The following PDK1 variants were observed in gnomAD, a reference collection of about 807,000 sequenced individuals.
PDK1 encodes the protein [Pyruvate dehydrogenase (acetyl-transferring)] kinase isozyme 1, mitochondrial.
Under a neutral mutation model 54.2 loss-of-function variants are expected in PDK1, and 39 were observed. That is an observed-to-expected ratio of 0.72 (90% CI 0.56 to 0.94). PDK1 has a LOEUF of 0.94. Ranked by LOEUF, PDK1 falls within the 40% of genes least tolerant of loss-of-function variation. The pLI, the probability that PDK1 is intolerant of heterozygous loss-of-function variation, is 0.00. For synonymous variants in PDK1, 221 were observed against 207.1 expected (o/e 1.07, Z -0.58); for missense variants, 552 against 566.0 (o/e 0.98, Z 0.25).
intron 9 of PDK1, among the ~76,000 whole-genome samples, chr2:172,587,390 G>A (rs1315267883): frequency 4.0e-5 from 6 of 151,664 alleles, no homozygotes; most frequent in African/African-American, 7.3e-5. Flanking sequence ...CAGTGGGTTC[G>A]TGGTCTTGCT....
At chr2:172,673,768 C>G in the PDK1 span, among the ~76,000 whole-genome samples, 1 of 152,192 alleles carries the variant, frequency 6.6e-6, no homozygotes, top group East Asian at 1.9e-4. Flanking sequence ...GTAAAGGTGT[C>G]TGACTCTTGA....
chr2:172,681,370 G>A, the PDK1 span, among the ~76,000 whole-genome samples: 22 of 152,272 alleles, frequency 1.4e-4, no homozygotes, highest in South Asian at 4.6e-3. Flanking sequence ...TTTGCAGTGG[G>A]GATAGACTTG....
chr2:172,638,287 C>A, the PDK1 span, among the ~76,000 whole-genome samples: 2 of 152,190 alleles, frequency 1.3e-5, no homozygotes, highest in Non-Finnish European at 2.9e-5. Flanking sequence ...CTCGTTACTA[C>A]AAAGCCAAAA....
chr2:172,691,593 G>A, the PDK1 span, among the ~76,000 whole-genome samples: 1 of 152,080 alleles, frequency 6.6e-6, no homozygotes, highest in Non-Finnish European at 1.5e-5. Flanking sequence ...CCTAACCCCT[G>A]GCAACCACTG....
At chr2:172,561,944 AAAATT>A (rs1343294786) in intron 2 of PDK1, among the ~76,000 whole-genome samples, 1 of 152,230 alleles carries the variant, frequency 6.6e-6, no homozygotes, top group Non-Finnish European at 1.5e-5. Context: ...AAATTAAAAA[AAAATT>A]AAAAGCCATT....
At chr2:172,715,222 G>A in the PDK1 span, among the ~76,000 whole-genome samples, 6 of 152,144 alleles carry the variant, frequency 3.9e-5, no homozygotes, top group Non-Finnish European at 7.4e-5. Context: ...AGACCCCATA[G>A]CAGGATTCCT....
At chr2:172,718,061 A>T in the PDK1 span, among the ~76,000 whole-genome samples, 3 of 152,176 alleles carry the variant, frequency 2.0e-5, no homozygotes, top group African/African-American at 7.2e-5. Context: ...TTTTTTTGAG[A>T]TGATTCATAA....
chr2:172,586,670 A>G (rs1690248820), intron 9 of PDK1, among the ~76,000 whole-genome samples: 2 of 152,196 alleles, frequency 1.3e-5, no homozygotes. Context: ...AATATGGTTA[A>G]CCACATTATT....
At chr2:172,660,520 G>T in the PDK1 span, among the ~76,000 whole-genome samples, 2 of 151,944 alleles carry the variant, frequency 1.3e-5, no homozygotes, top group East Asian at 1.9e-4. Context: ...GCCTCCCAAA[G>T]TGCTAAGATT....
chr2:172,668,856 T>C, the PDK1 span, among the ~76,000 whole-genome samples: 22 of 139,094 alleles, frequency 1.6e-4, no homozygotes, highest in East Asian at 1.3e-3. Flanking sequence ...CACACACACA[T>C]ATATATGTAT....
the PDK1 span, among the ~76,000 whole-genome samples, chr2:172,627,930 C>G: frequency 2.0e-5 from 3 of 152,196 alleles, no homozygotes; most frequent in African/African-American, 7.2e-5. Flanking sequence ...ATCTTTTGTT[C>G]TAAATTTCTT....
chr2:172,699,206 T>A, the PDK1 span, among the ~76,000 whole-genome samples: 1 of 152,226 alleles, frequency 6.6e-6, no homozygotes, highest in Non-Finnish European at 1.5e-5. Flanking sequence ...CTATTTTTTA[T>A]GGCAAGATGA....
chr2:172,556,239 C>G lies in PDK1; in HGVS notation c.89C>G (p.Ser30Trp). Residue 30 changes from serine to tryptophan, a missense_variant, in exon 1 of 11, where the codon TCG (serine) becomes TGG (tryptophan). Transcript: ENST00000282077. Reference protein sequence around the residue: ...RAAGFSRSFSSDSGSSPASER... With the variant: ...RAAGFSRSFSWDSGSSPASER... Reference sequence around the variant, plus strand: ...GCCGGCTTCAGCCGCAGCTTCAGCTCGGACTCGGGCTCCAGCCCGGCGTCC... The same window carrying G: ...GCCGGCTTCAGCCGCAGCTTCAGCTGGGACTCGGGCTCCAGCCCGGCGTCC... 6.8e-7 allele frequency: 1 copy of G among 1,459,890 alleles called. No homozygotes were observed. Among genetic ancestry groups the G allele is most frequent in the Non-Finnish European group, 9.0e-7 (1 of 1,112,562 alleles). The allele number at this position is 1,459,890 out of a possible 1,614,324, so 90.4% of individuals were successfully genotyped here. A position where few individuals can be genotyped will look rare whatever the true frequency, so the allele number is the denominator to read the frequency against.
At chr2:172,565,705 A>G (rs1312911277) in intron 5 of PDK1, among the ~76,000 whole-genome samples, 4 of 152,200 alleles carry the variant, frequency 2.6e-5, no homozygotes, top group Non-Finnish European at 4.4e-5. Context: ...ATCATTTCAC[A>G]CTTTTTTCTA....
At chr2:172,676,770 T>C in the PDK1 span, among the ~76,000 whole-genome samples, 6 of 152,338 alleles carry the variant, frequency 3.9e-5, no homozygotes, top group African/African-American at 9.6e-5. Flanking sequence ...AGAAGTTATA[T>C]TGTGGGCCAA....
At chr2:172,567,726 A>G (rs1033366522) in intron 6 of PDK1, among the ~76,000 whole-genome samples, 3 of 152,248 alleles carry the variant, frequency 2.0e-5, no homozygotes, top group Non-Finnish European at 4.4e-5. Context: ...TGCAAACCTG[A>G]ACTGCTGTGA....
At chr2:172,565,799 A>G (rs1374552381) in intron 5 of PDK1, among the ~76,000 whole-genome samples, 2 of 152,148 alleles carry the variant, frequency 1.3e-5, no homozygotes, top group African/African-American at 2.4e-5. Context: ...GTTTTTTTCT[A>G]CAAGTTTACA....
At chr2:172,558,208 G>C (rs929385689) in intron 1 of PDK1, 9 of 152,382 alleles carry the variant, frequency 5.9e-5, no homozygotes, top group African/African-American at 2.2e-4. Flanking sequence ...ATCTGTAACC[G>C]GTTGTGATCA....
In PDK1 at chr2:172,592,926, A is replaced by T; in HGVS notation, c.1057-9A>T. 1 of 1,556,764 alleles carries T rather than the reference A, an allele frequency of 6.4e-7. No homozygotes were observed. The highest frequency in any genetic ancestry group is 8.9e-7 in the Non-Finnish European group (1 of 1,129,478). On this transcript the variant is annotated splice_polypyrimidine_tract_variant and intron_variant, in intron 9 of 10. Transcript: ENST00000282077. ...TTCTGAATAGAATTTTGTTTTTCTC[A>T]TCAAACAGGCTGGTTTTGGTTATGG...
Sources: allele counts gnomAD v4.1 joint callset (sites outside exome capture counted in the v4.1 genomes callset), GRCh38; gene constraint gnomAD v4.1.1; transcripts MANE v1.5; gene names NCBI Gene and HGNC (gene_info 2026-07-23, HGNC 2026-07-21).